Variants in CANT1 observed in about 807,000 individuals in gnomAD.
CANT1 encodes calcium activated nucleotidase 1, also known as soluble calcium-activated nucleotidase 1.
In CANT1, 26 loss-of-function variants were observed where a neutral mutation model predicts 30.0. The observed-to-expected ratio is 0.87, with a 90% CI of 0.64 to 1.20. The LOEUF (loss-of-function observed/expected upper bound fraction) is 1.20. Ranked by LOEUF, CANT1 falls within the 50% of genes most tolerant of loss-of-function variation. CANT1 has a pLI of 0.00. For synonymous variants in CANT1, 246 were observed against 251.8 expected, an observed-to-expected ratio of 0.98 and a Z score of 0.22; for missense variants, 518 against 563.0, an observed-to-expected ratio of 0.92 and a Z score of 0.81.
Position 78,995,296 on chromosome 17 carries a change from C to T in CANT1, c.632-75G>A, listed in dbSNP as rs921727769. 1.1e-5 allele frequency: 16 copies of T among 1,481,630 alleles called. 1 individual carries two copies. The Admixed American group carries it at 1.3e-4, about 12-fold the overall frequency. 91.8% of individuals were successfully genotyped at this position (1,481,630 alleles called of 1,614,324 possible). A position where few individuals can be genotyped will look rare whatever the true frequency, so the allele number is the denominator to read the frequency against. ...CCTGCACCTGGCTCCCACCCGGCCC[C>T]GCACCTGTCCTTAGACCCCGCACCT... On this transcript the variant is annotated intron_variant, in intron 3 of 4. Transcript: ENST00000392446. The surrounding 1 kb of genome is among the most constrained non-coding windows in gnomAD (Gnocchi z 5.7).
At position 78,993,126 on chromosome 17, in the gene CANT1, A is replaced by G; in HGVS notation, c.*424T>C. On this transcript the variant is annotated 3_prime_UTR_variant, in exon 5 of 5. Coordinates refer to ENST00000392446, the MANE Select transcript of CANT1 (RefSeq NM_001159773.2). This position sits in a 1 kb window ranked among gnomAD's most constrained non-coding sequence, Gnocchi z 4.5. ...GCTCCAGGCACAGAGTAGGAAGAAA[A>G]GGGGGTGACCTGGGGTTCCCAGCAA... is the stretch of plus-strand genomic sequence containing the variant. 1 of 349,672 alleles carries G rather than the reference A, an allele frequency of 2.9e-6. No individual in the cohort carries two copies. Among genetic ancestry groups the G allele is most frequent in the Non-Finnish European group, 5.3e-6 (1 of 187,084 alleles). The allele number at this position is 349,672 out of a possible 1,614,324, so 21.7% of individuals were successfully genotyped here. A position where few individuals can be genotyped will look rare whatever the true frequency, so the allele number is the denominator to read the frequency against.
Position 78,993,825 on chromosome 17 carries a change from CCTT to C in CANT1, c.928_930del (p.Lys310del). 1.9e-6 allele frequency: 3 copies of C among 1,605,940 alleles called. No individual in the cohort carries two copies. The highest frequency in any genetic ancestry group is 1.1e-5 in the South Asian group (1 of 90,968). ...AGGTTGGCGCCCTTGCGCTCGTCGT[CCTT>C]CTCGCTGTAGCGCTCCTGGCTGGCG... On this transcript the variant is annotated inframe_deletion, in exon 5 of 5. Transcript: ENST00000392446. This position sits in a 1 kb window ranked among gnomAD's most constrained non-coding sequence, Gnocchi z 4.5.
intron 1 of CANT1, among the ~76,000 whole-genome samples, chr17:79,003,119 C>T (rs1016427942): frequency 1.3e-5 from 2 of 151,876 alleles, no homozygotes; most frequent in Non-Finnish European, 2.9e-5. Flanking sequence ...CTCGAGGTCA[C>T]GCTGATTCCC....
intron 1 of CANT1, among the ~76,000 whole-genome samples, chr17:79,001,876 C>G (rs80042805): frequency 6.6e-6 from 1 of 152,116 alleles, no homozygotes; most frequent in Non-Finnish European, 1.5e-5. Context: ...CCACAGGCAC[C>G]GCAAACCAGG....
Position 79,009,509 on chromosome 17 carries a change from G to A in CANT1, c.-147+155C>T, listed in dbSNP as rs540219137. 2.0e-5 allele frequency among the ~76,000 whole-genome samples: 3 copies of A among 152,316 alleles called. No individual in the cohort carries two copies. In the East Asian group the frequency reaches 5.8e-4, roughly 29 times the overall value. On this transcript the variant is annotated intron_variant, in intron 1 of 4. Transcript: ENST00000392446. Reference sequence around the variant, plus strand: ...GAGTCCCAGCCCAGTCTGCGAGTCAGGGGGCAGAGATCCCGCACGGGTGGG... The same window carrying A: ...GAGTCCCAGCCCAGTCTGCGAGTCAAGGGGCAGAGATCCCGCACGGGTGGG...
In CANT1 at chr17:78,994,707, G is replaced by A. The variant is rs775807206; in HGVS notation, c.835+311C>T. On this transcript the variant is annotated intron_variant, in intron 4 of 4. Coordinates refer to ENST00000392446, the MANE Select transcript of CANT1 (RefSeq NM_001159773.2). ...AGGCAGGTGGATCACCAGATCACCC[G>A]AAGTCAGGAGTTCGAGACCATCCTG... 5.3e-5 allele frequency among the ~76,000 whole-genome samples: 8 copies of A among 152,322 alleles called. No individual in the cohort carries two copies. In the South Asian group the frequency reaches 6.2e-4, roughly 12 times the overall value.
At position 78,993,459 on chromosome 17, in the gene CANT1, T is replaced by C. The variant is rs1322532326; in HGVS notation, c.*91A>G. 1 of 1,588,050 alleles carries C rather than the reference T, an allele frequency of 6.3e-7. No homozygotes were observed. Among genetic ancestry groups the C allele is most frequent in the Non-Finnish European group, 8.6e-7 (1 of 1,163,344 alleles). The stretch of plus-strand genomic sequence containing the variant: ...TCCAGACCTCCAACCCAGGCACAGT[T>C]CCAAAAAGAACAAAACAAAACAAAA... On this transcript the variant is annotated 3_prime_UTR_variant, in exon 5 of 5. Transcript: ENST00000392446. The surrounding 1 kb of genome is among the most constrained non-coding windows in gnomAD (Gnocchi z 4.5).
At chr17:79,001,400 G>T (rs1367329251) in intron 1 of CANT1, among the ~76,000 whole-genome samples, 1 of 152,090 alleles carries the variant, frequency 6.6e-6, no homozygotes, top group Non-Finnish European at 1.5e-5. Context: ...TGCTCTTCTG[G>T]TTCCTCCCTT....
rs910766550 is a variant in CANT1, at chr17:78,998,725, G to A, written c.-146-762C>T. ...GCCTGTCTCTGGACAGCCGCCAAGTGCCACAGTGGGGCGTGGGGAGACAGC... is the reference window on the plus strand; with the variant it reads ...GCCTGTCTCTGGACAGCCGCCAAGTACCACAGTGGGGCGTGGGGAGACAGC... On this transcript the variant is annotated intron_variant, in intron 1 of 4. Coordinates refer to ENST00000392446, the MANE Select transcript of CANT1 (RefSeq NM_001159773.2). This position sits in a 1 kb window ranked among gnomAD's most constrained non-coding sequence, Gnocchi z 4.5. 6.6e-6 allele frequency among the ~76,000 whole-genome samples: 1 copy of A among 152,274 alleles called. No homozygotes were observed. Among genetic ancestry groups the A allele is most frequent in the Non-Finnish European group, 1.5e-5 (1 of 68,044 alleles).
At position 79,008,584 on chromosome 17, in the gene CANT1, AG is replaced by A. The variant is rs2071632605; in HGVS notation, c.-147+1079del. Among the ~76,000 whole-genome samples the A allele has an allele frequency of 6.6e-6, 1 of 152,228 alleles. No individual in the cohort carries two copies. The highest frequency in any genetic ancestry group is 1.5e-5 in the Non-Finnish European group (1 of 68,034). On this transcript the variant is annotated intron_variant, in intron 1 of 4. Transcript: ENST00000392446. This position sits in a 1 kb window ranked among gnomAD's most constrained non-coding sequence, Gnocchi z 4.4. Reference sequence around the variant, plus strand: ...AATAAGAAATGGAGCTGGGACACTAAGAGACGGCTTTTCCAGGGGTCACTAA... The same window carrying A: ...AATAAGAAATGGAGCTGGGACACTAAAGACGGCTTTTCCAGGGGTCACTAA...
Position 78,997,200 on chromosome 17 carries a change from G to A in CANT1, c.423C>T (p.Asp141=). 19 of 1,614,192 alleles carry A rather than the reference G, an allele frequency of 1.2e-5. No homozygotes were observed. The highest frequency in any genetic ancestry group is 1.6e-5 in the Non-Finnish European group (19 of 1,180,060). The change falls in exon 3 of 5, where the codon GAC becomes GAT. Residue 141 remains aspartate, a synonymous_variant. Coordinates refer to ENST00000392446, the MANE Select transcript of CANT1 (RefSeq NM_001159773.2). This position sits in a 1 kb window ranked among gnomAD's most constrained non-coding sequence, Gnocchi z 7.5. ...KGYLTLSDSG[D]KVAVEWDKDH... ...CTTTGTCCCATTCCACGGCCACCTTGTCCCCACTGTCTGACAGGGTCAGGT... is the reference window on the plus strand; with the variant it reads ...CTTTGTCCCATTCCACGGCCACCTTATCCCCACTGTCTGACAGGGTCAGGT...
Position 78,995,789 on chromosome 17 carries a change from C to T in CANT1, c.632-568G>A, listed in dbSNP as rs772096677. ...CCGTGTATTCTTATCATCCCTACAC[C>T]CTGGTGTTCTAACTTCTGTTTGCTT... On this transcript the variant is annotated intron_variant, in intron 3 of 4. Transcript: ENST00000392446. The surrounding 1 kb of genome is among the most constrained non-coding windows in gnomAD (Gnocchi z 5.7). Among the ~76,000 whole-genome samples the T allele has an allele frequency of 7.9e-5, 12 of 152,144 alleles. No homozygotes were observed. The highest frequency in any genetic ancestry group is 1.5e-4 in the Non-Finnish European group (10 of 68,022).
intron 1 of CANT1, among the ~76,000 whole-genome samples, chr17:78,999,635 A>G (rs1303780185): frequency 6.9e-6 from 1 of 145,048 alleles, no homozygotes; most frequent in Non-Finnish European, 1.5e-5. Flanking sequence ...GCCACCACGC[A>G]CAGCGAATTT....
At chr17:79,003,325 T>C (rs1187636632) in intron 1 of CANT1, among the ~76,000 whole-genome samples, 1 of 151,998 alleles carries the variant, frequency 6.6e-6, no homozygotes, top group South Asian at 2.1e-4. Flanking sequence ...AAATTTCAAA[T>C]CAGATGCCTT....
Position 78,996,433 on chromosome 17 carries a change from ACCT to A in CANT1, c.631+556_631+558del, listed in dbSNP as rs908573229. 6.6e-5 allele frequency among the ~76,000 whole-genome samples: 10 copies of A among 151,840 alleles called. No homozygotes were observed. The highest frequency in any genetic ancestry group is 2.4e-4 in the African/African-American group (10 of 41,294). On this transcript the variant is annotated intron_variant, in intron 3 of 4. Coordinates refer to ENST00000392446, the MANE Select transcript of CANT1 (RefSeq NM_001159773.2). This position sits in a 1 kb window ranked among gnomAD's most constrained non-coding sequence, Gnocchi z 5.1. ...CCTGTCCCTGCCCTGTGGAAGCAGCACCTCCTTTCTGGTGAACAAAAAGGCTGG... is the reference window on the plus strand; with the variant it reads ...CCTGTCCCTGCCCTGTGGAAGCAGCACCTTTCTGGTGAACAAAAAGGCTGG...
chr17:79,003,196 T>C (rs1037517209), intron 1 of CANT1, among the ~76,000 whole-genome samples: 6 of 152,228 alleles, frequency 3.9e-5, no homozygotes, highest in African/African-American at 1.2e-4. Context: ...GGACTGCTTC[T>C]AGTGACAAGA....
rs1289975443 is a variant in CANT1 at position 78,998,737 on chromosome 17, C to T, written c.-146-774G>A. 2.6e-5 allele frequency among the ~76,000 whole-genome samples: 4 copies of T among 152,242 alleles called. No individual in the cohort carries two copies. The highest frequency in any genetic ancestry group is 7.2e-5 in the African/African-American group (3 of 41,476). On this transcript the variant is annotated intron_variant, in intron 1 of 4. Coordinates refer to ENST00000392446, the MANE Select transcript of CANT1 (RefSeq NM_001159773.2). This position sits in a 1 kb window ranked among gnomAD's most constrained non-coding sequence, Gnocchi z 4.5. Reference sequence around the variant, plus strand: ...ACAGCCGCCAAGTGCCACAGTGGGGCGTGGGGAGACAGCTCCCGGTGCTTC... The same window carrying T: ...ACAGCCGCCAAGTGCCACAGTGGGGTGTGGGGAGACAGCTCCCGGTGCTTC...
At chr17:78,994,125 C>T (rs1381995599) in intron 4 of CANT1, among the ~76,000 whole-genome samples, 2 of 152,180 alleles carry the variant, frequency 1.3e-5, no homozygotes, top group Admixed American at 6.5e-5. Context: ...AGCACCCGCT[C>T]CCTTGAAGCC....
At chr17:79,005,657 C>A (rs2071524097) in intron 1 of CANT1, among the ~76,000 whole-genome samples, 1 of 152,114 alleles carries the variant, frequency 6.6e-6, no homozygotes, top group Admixed American at 6.5e-5. Flanking sequence ...GGTGCGCCAA[C>A]CCCTTATCTC....
Sources: gnomAD v4.1 joint callset for allele counts (sites outside exome capture counted in the v4.1 genomes callset) on GRCh38, gnomAD v4.1.1 for gene constraint, Gnocchi (gnomAD v3.1) non-coding constraint, MANE v1.5 for transcripts, NCBI Gene and HGNC (gene_info 2026-07-23, HGNC 2026-07-21) for gene names.